The following GAREM1 variants were observed in gnomAD, a reference collection of about 807,000 sequenced individuals.
GAREM1 encodes GRB2 associated regulator of MAPK1 subtype 1.
A neutral mutation model predicts 71.3 loss-of-function variants in GAREM1; 26 were observed. The ratio of observed to expected loss-of-function variants is 0.36; its 90% CI spans 0.27 to 0.51. The LOEUF (loss-of-function observed/expected upper bound fraction) is 0.51. Ranked by LOEUF, GAREM1 falls within the 20% of genes least tolerant of loss-of-function variation. The pLI is 0.95. For synonymous variants in GAREM1, 440 were observed against 433.2 expected (o/e 1.02, Z -0.20); for missense variants, 1,026 against 1,103.1 (o/e 0.93, Z 0.99).
chr18:32,417,100 C>A (rs1463074246), intron 1 of GAREM1, among the ~76,000 whole-genome samples: 1 of 152,054 alleles, frequency 6.6e-6, no homozygotes, highest in African/African-American at 2.4e-5. Context: ...ATACAAATGG[C>A]AAACAGATAT....
chr18:32,267,611 G>A lies in GAREM1; in HGVS notation c.*260C>T. The A allele has an allele frequency of 2.9e-6, 1 of 342,898 alleles. No individual in the cohort carries two copies. The highest frequency in any genetic ancestry group is 5.2e-6 in the Non-Finnish European group (1 of 191,088). 21.2% of individuals were successfully genotyped at this position (342,898 alleles called of 1,614,324 possible). On this transcript the variant is annotated 3_prime_UTR_variant, in exon 6 of 6. Transcript: ENST00000269209. Reference sequence around the variant, plus strand: ...GGGTAAGAATGATTTCTCTGCACATGCCTTTTTTTCTTTTAGCAGCTGCTG... The same window carrying A: ...GGGTAAGAATGATTTCTCTGCACATACCTTTTTTTCTTTTAGCAGCTGCTG...
At chr18:32,288,277 C>G in intron 3 of GAREM1, 74 bp from the exon 4 acceptor site, 1 of 1,120,942 alleles carries the variant, frequency 8.9e-7, no homozygotes, top group Non-Finnish European at 1.3e-6. Context: ...TATTAAGACA[C>G]ACACAAATAC....
chr18:32,272,270 C>T (rs1277066440), intron 4 of GAREM1, among the ~76,000 whole-genome samples: 1 of 152,164 alleles, frequency 6.6e-6, no homozygotes, highest in Non-Finnish European at 1.5e-5. Context: ...TATGGGTAGC[C>T]CAGTAAACCC....
rs925469227 is a variant in GAREM1 at position 32,265,854 on chromosome 18, T to C, written c.*2017A>G. On this transcript the variant is annotated 3_prime_UTR_variant, in exon 6 of 6. Transcript: ENST00000269209. ...TTCAGCTAGGTTTGCCAATGAAAAC[T>C]TGCAGCTTAGTAACTGCATCTTGTC... 1.4e-4 allele frequency: 22 copies of C among 152,336 alleles called. No individual in the cohort carries two copies. Among genetic ancestry groups the C allele is most frequent in the African/African-American group, 5.1e-4 (21 of 41,578 alleles). The allele number at this position is 152,336 out of a possible 1,614,324, so 9.4% of individuals were successfully genotyped here. A position where few individuals can be genotyped will look rare whatever the true frequency, so the allele number is the denominator to read the frequency against.
intron 1 of GAREM1, among the ~76,000 whole-genome samples, chr18:32,397,860 C>T (rs2048273103): frequency 1.3e-5 from 2 of 152,202 alleles, no homozygotes; most frequent in Non-Finnish European, 2.9e-5. Context: ...ACAGAATATA[C>T]ATTCTTTTCA....
At chr18:32,389,162 T>C (rs762926030) in intron 2 of GAREM1, among the ~76,000 whole-genome samples, 21 of 152,168 alleles carry the variant, frequency 1.4e-4, no homozygotes, top group Non-Finnish European at 2.5e-4. Context: ...ACTATACTAC[T>C]GCAACTTCAA....
intron 2 of GAREM1, among the ~76,000 whole-genome samples, chr18:32,358,871 C>CA (rs1171443559): frequency 2.0e-5 from 3 of 152,248 alleles, no homozygotes; most frequent in Non-Finnish European, 4.4e-5. Context: ...GGGTTCTGTG[C>CA]AAAACGAAAA....
chr18:32,430,542 T>C (rs2048613698), intron 1 of GAREM1, among the ~76,000 whole-genome samples: 1 of 152,196 alleles, frequency 6.6e-6, no homozygotes, highest in South Asian at 2.1e-4. Flanking sequence ...CTTCAAGAGA[T>C]ACAGTACACC....
rs370370357 is a variant in GAREM1 at position 32,366,894 on chromosome 18, T to C, written c.262+26001A>G. Among the ~76,000 whole-genome samples, 6 of 152,284 alleles carry C rather than the reference T, an allele frequency of 3.9e-5. No homozygotes were observed. In the East Asian group the frequency reaches 9.7e-4, roughly 24 times the overall value. ...CAGCTTTTATTGTCAACAGGTGAAA[T>C]GTAAGCTTGAAAAACCAAGTATCAT... On this transcript the variant is annotated intron_variant, in intron 2 of 5. Transcript: ENST00000269209.
At chr18:32,302,397 C>T (rs1270693949) in intron 3 of GAREM1, among the ~76,000 whole-genome samples, 1 of 152,156 alleles carries the variant, frequency 6.6e-6, no homozygotes, top group Non-Finnish European at 1.5e-5. Context: ...TATCATTTTA[C>T]TCTTGGTCAT....
intron 2 of GAREM1, among the ~76,000 whole-genome samples, chr18:32,366,666 T>C (rs756184959): frequency 6.6e-6 from 1 of 152,256 alleles, no homozygotes; most frequent in Non-Finnish European, 1.5e-5. Flanking sequence ...CACATCATAA[T>C]ATATCAACTC....
At chr18:32,453,726 C>T (rs1327630155) in intron 1 of GAREM1, among the ~76,000 whole-genome samples, 1 of 152,156 alleles carries the variant, frequency 6.6e-6, no homozygotes, top group East Asian at 1.9e-4. Context: ...AAGTAACATT[C>T]ACAGGTTCCA....
chr18:32,290,718 C>G (rs893409002), intron 3 of GAREM1, among the ~76,000 whole-genome samples: 3 of 151,316 alleles, frequency 2.0e-5, no homozygotes, highest in African/African-American at 7.3e-5. Flanking sequence ...CAATGGCTTT[C>G]AAACCTATGA....
intron 2 of GAREM1, among the ~76,000 whole-genome samples, chr18:32,370,089 G>A (rs1232207131): frequency 6.6e-6 from 1 of 152,150 alleles, no homozygotes; most frequent in East Asian, 1.9e-4. Context: ...CTACTTCATG[G>A]CAATTTTAAA....
chr18:32,365,088 C>T (rs878945634), intron 2 of GAREM1, among the ~76,000 whole-genome samples: 3 of 151,982 alleles, frequency 2.0e-5, no homozygotes, highest in African/African-American at 7.3e-5. Flanking sequence ...TTTTTTCCTG[C>T]TAACACTATG....
At chr18:32,424,224 T>C (rs372425701) in intron 1 of GAREM1, among the ~76,000 whole-genome samples, 77 of 152,200 alleles carry the variant, frequency 5.1e-4, no homozygotes, top group Admixed American at 3.0e-3. Context: ...TCAACATAAA[T>C]GCTAAGCCTG....
intron 2 of GAREM1, among the ~76,000 whole-genome samples, chr18:32,362,940 T>A (rs1018830300): frequency 3.0e-4 from 46 of 152,378 alleles, no homozygotes; most frequent in African/African-American, 1.1e-3. Flanking sequence ...CAAGGAATCC[T>A]ATGGCAAATA....
In GAREM1 at chr18:32,419,470, C is replaced by T. The variant is rs775728608; in HGVS notation, c.122-26435G>A. Among the ~76,000 whole-genome samples, 158 of 151,880 alleles carry T rather than the reference C, an allele frequency of 1.0e-3. 3 individuals are homozygous for T. Among genetic ancestry groups the T allele is most frequent in the Admixed American group, 6.6e-4 (10 of 15,256 alleles). On this transcript the variant is annotated intron_variant, in intron 1 of 5. Transcript: ENST00000269209. ...CACCTCTCTCATTCTCTTCCTGCCA[C>T]GTGAGGATTCAAGGAGGTTGGCAGC...
At chr18:32,404,813 T>C (rs1395508944) in intron 1 of GAREM1, among the ~76,000 whole-genome samples, 1 of 152,252 alleles carries the variant, frequency 6.6e-6, no homozygotes, top group Non-Finnish European at 1.5e-5. Context: ...TAAATAGTTA[T>C]TGACTGACTA....
Sources: gnomAD v4.1 joint callset for allele counts (sites outside exome capture counted in the v4.1 genomes callset) on GRCh38, gnomAD v4.1.1 for gene constraint, MANE v1.5 for transcripts, NCBI Gene and HGNC (gene_info 2026-07-23, HGNC 2026-07-21) for gene names.